Variants in SLC44A3 observed in about 807,000 individuals in gnomAD.
SLC44A3 encodes solute carrier family 44 member 3.
A neutral mutation model predicts 75.4 loss-of-function variants in SLC44A3; 74 were observed. That is an observed-to-expected ratio of 0.98 (90% CI 0.81 to 1.19). SLC44A3 has a LOEUF of 1.19. Ranked by LOEUF, SLC44A3 falls within the 50% of genes most tolerant of loss-of-function variation. The pLI is 0.00. For missense variants in SLC44A3, 700 were observed against 778.6 expected, an observed-to-expected ratio of 0.90 and a Z score of 1.20; for synonymous variants, 310 against 296.9, an observed-to-expected ratio of 1.04 and a Z score of -0.45.
intron 12 of SLC44A3, among the ~76,000 whole-genome samples, chr1:94,869,809 A>G (rs1230119320): frequency 6.6e-6 from 1 of 152,238 alleles, no homozygotes; most frequent in African/African-American, 2.4e-5. Context: ...GGAATGACTT[A>G]CTAGGGGACA....
At chr1:94,840,399 C>T (rs1223789952) in intron 7 of SLC44A3, among the ~76,000 whole-genome samples, 1 of 151,538 alleles carries the variant, frequency 6.6e-6, no homozygotes, top group East Asian at 1.9e-4. Context: ...AAGCGATCCC[C>T]CTGTCTCAGC....
chr1:94,894,017 C>A (rs1186107275), intron 14 of SLC44A3, among the ~76,000 whole-genome samples: 1 of 152,052 alleles, frequency 6.6e-6, no homozygotes, highest in Non-Finnish European at 1.5e-5. Flanking sequence ...ATCGCTTGAA[C>A]CCGGGAGGTG....
intron 11 of SLC44A3, 113 bp downstream of exon 11, chr1:94,865,012 G>A (rs372137930): frequency 2.6e-5 from 30 of 1,158,296 alleles, no homozygotes; most frequent in Middle Eastern, 4.1e-4. Flanking sequence ...ACAGCGGGCC[G>A]TGCAGAAAGC....
In SLC44A3 at chr1:94,892,312, G is replaced by T; in HGVS notation, c.1652G>T (p.Gly551Val). Residue 551 changes from glycine (G) to valine (V), a missense_variant, in exon 14 of 15, where the codon GGA becomes GTA. By Grantham distance (109) the Gly-to-Val change is moderately radical. Transcript: ENST00000271227. Reference sequence around the variant, plus strand: ...GTGGTGTGTTTCACTGTTTTTGGAGGACTCATGGCTTTTAACTACAATCGG... The same window carrying T: ...GTGGTGTGTTTCACTGTTTTTGGAGTACTCATGGCTTTTAACTACAATCGG... ...VLVVCFTVFG[G>V]LMAFNYNRAF... The T allele has an allele frequency of 6.2e-7, 1 of 1,614,166 alleles. No individual in the cohort carries two copies. The highest frequency in any genetic ancestry group is 8.5e-7 in the Non-Finnish European group (1 of 1,180,032).
chr1:94,831,487 G>A (rs1662123548), intron 5 of SLC44A3, among the ~76,000 whole-genome samples: 1 of 152,192 alleles, frequency 6.6e-6, no homozygotes, highest in Admixed American at 6.5e-5. Flanking sequence ...GTCATGTGAG[G>A]TATAACGTAC....
Position 94,891,174 on chromosome 1 carries a change from A to C in SLC44A3, c.1527A>C (p.Thr509=), listed in dbSNP as rs1300804238. ...TTAINGTDFC[T]SAKDAFKILS... ...CTATTAATGGGACAGATTTCTGTAC[A>C]TCAGCAAAAGATGCATTCAAAATCT... Residue 509 remains threonine, a synonymous_variant, in exon 13 of 15, where the codon ACA becomes ACC. Transcript: ENST00000271227. 2 of 1,613,464 alleles carry C rather than the reference A, an allele frequency of 1.2e-6. No homozygotes were observed. Among genetic ancestry groups the C allele is most frequent in the Admixed American group, 1.7e-5 (1 of 59,946 alleles).
At chr1:94,861,906 G>A (rs12076356) in intron 10 of SLC44A3, among the ~76,000 whole-genome samples, 2,304 of 152,274 alleles carry the variant, frequency 0.015, 25 homozygotes, top group African/African-American at 0.029. Context: ...CAGGGTGGTG[G>A]AGGGACACTT....
At chr1:94,826,091 A>G in intron 3 of SLC44A3, 1 of 352,738 alleles carries the variant, frequency 2.8e-6, no homozygotes, top group Non-Finnish European at 5.7e-6. Flanking sequence ...TACAACAGGG[A>G]TGAACCCTGA....
chr1:94,865,455 C>T (rs1219851231), intron 11 of SLC44A3, among the ~76,000 whole-genome samples: 9 of 151,946 alleles, frequency 5.9e-5, no homozygotes, highest in Non-Finnish European at 7.4e-5. Context: ...TGTACACATG[C>T]GCTTGAGAGT....
intron 10 of SLC44A3, 107 bp from the exon 11 acceptor site, chr1:94,864,636 A>T (rs1666952357): frequency 8.5e-7 from 1 of 1,173,082 alleles, no homozygotes. Flanking sequence ...AATGCTTATT[A>T]TGTCACAACT....
At chr1:94,821,121 CCCAAAT>C (rs2100877390) in intron 2 of SLC44A3, 65 bp downstream of exon 2, 12 of 199,562 alleles carry the variant, frequency 6.0e-5, no homozygotes, top group Non-Finnish European at 8.1e-5. Context: ...ATAACTCTGT[CCCAAAT>C]GTAAATCGTA....
intron 5 of SLC44A3, among the ~76,000 whole-genome samples, chr1:94,830,500 C>G (rs1039809911): frequency 6.6e-6 from 1 of 152,112 alleles, no homozygotes; most frequent in Admixed American, 6.5e-5. Flanking sequence ...CATGATCCAC[C>G]ACGCCTGGCC....
chr1:94,895,022 TTAAAAGACC>T lies in SLC44A3; in HGVS notation c.*104_*112del. 1.2e-6 allele frequency: 1 copy of T among 833,746 alleles called. No homozygotes were observed. Among genetic ancestry groups the T allele is most frequent in the East Asian group, 2.7e-5 (1 of 37,294 alleles). 51.6% of individuals were successfully genotyped at this position (833,746 alleles called of 1,614,324 possible). On this transcript the variant is annotated 3_prime_UTR_variant, in exon 15 of 15. Coordinates refer to ENST00000271227, the MANE Select transcript of SLC44A3 (RefSeq NM_001114106.3). ...TAGAGAAAAGTTAGTGAATTTTTTT[TTAAAAGACC>T]TAATAAACCCTATTCTTCCTCATTG...
chr1:94,831,445 G>T (rs1662116487), intron 5 of SLC44A3, among the ~76,000 whole-genome samples: 1 of 152,138 alleles, frequency 6.6e-6, no homozygotes, highest in South Asian at 2.1e-4. Context: ...ACCTCTTTTT[G>T]ACTAAACTGA....
intron 12 of SLC44A3, among the ~76,000 whole-genome samples, chr1:94,886,850 T>A (rs1228420253): frequency 6.6e-6 from 1 of 152,110 alleles, no homozygotes; most frequent in Non-Finnish European, 1.5e-5. Context: ...TGGGACATAA[T>A]ATTGAGATAC....
chr1:94,872,539 C>G (rs866778128), intron 12 of SLC44A3, among the ~76,000 whole-genome samples: 15 of 152,246 alleles, frequency 9.9e-5, no homozygotes, highest in Middle Eastern at 6.8e-3. Flanking sequence ...ACCACCATAT[C>G]TATACCAGTC....
In SLC44A3 at chr1:94,871,000, AG is replaced by A. The variant is rs1667712778; in HGVS notation, c.1482+3584del. Among the ~76,000 whole-genome samples the A allele has an allele frequency of 3.3e-5, 5 of 152,346 alleles. No individual in the cohort carries two copies. In the South Asian group the frequency reaches 1.0e-3, roughly 32 times the overall value. On this transcript the variant is annotated intron_variant, in intron 12 of 14. Coordinates refer to ENST00000271227, the MANE Select transcript of SLC44A3 (RefSeq NM_001114106.3). The stretch of plus-strand genomic sequence containing the variant: ...GTGGCCAGTTGTTAGTTTTTGAGAT[AG>A]TGTCTCCAGTTTACAGATAGGGAGA...
intron 10 of SLC44A3, among the ~76,000 whole-genome samples, chr1:94,863,879 A>T (rs10489810): frequency 0.34 from 51,305 of 152,102 alleles, 8,991 homozygotes; most frequent in Admixed American, 0.45. Flanking sequence ...ATTCATAGTG[A>T]CTTATTAGCA....
chr1:94,846,160 A>AAG (rs1186680796), intron 9 of SLC44A3, among the ~76,000 whole-genome samples: 1 of 151,680 alleles, frequency 6.6e-6, no homozygotes, highest in Non-Finnish European at 1.5e-5. Context: ...AAAAAAAAAA[A>AAG]AAAGTGTTAT....
Sources: allele counts gnomAD v4.1 joint callset (sites outside exome capture counted in the v4.1 genomes callset), GRCh38; gene constraint gnomAD v4.1.1; transcripts MANE v1.5; gene names NCBI Gene and HGNC (gene_info 2026-07-23, HGNC 2026-07-21).